Variants in NUMB observed in about 807,000 individuals in gnomAD.
The protein encoded by NUMB is NUMB endocytic adaptor protein.
A neutral mutation model predicts 59.7 loss-of-function variants in NUMB; 29 were observed. The ratio of observed to expected loss-of-function variants is 0.49; its 90% confidence interval spans 0.36 to 0.66. The LOEUF (loss-of-function observed/expected upper bound fraction) is 0.66, where lower values mean the gene tolerates loss of function less well. Ranked by LOEUF, NUMB falls within the 30% of genes least tolerant of loss-of-function variation. The pLI is 0.00. For missense variants in NUMB, 723 were observed against 822.0 expected (o/e 0.88, Z 1.47); for synonymous variants, 288 against 288.2 (o/e 1.00, Z 0.01).
intron 1 of NUMB, among the ~76,000 whole-genome samples, chr14:73,418,593 G>C (rs2140146636): frequency 6.6e-6 from 1 of 151,972 alleles, no homozygotes; most frequent in Middle Eastern, 3.4e-3. Flanking sequence ...CCAACATGGA[G>C]AAACCCCGTC....
At chr14:73,332,691 A>C (rs1892050512) in intron 4 of NUMB, among the ~76,000 whole-genome samples, 1 of 38,750 alleles carries the variant, frequency 2.6e-5, no homozygotes, top group South Asian at 7.1e-4. Context: ...AGAGAAAAAT[A>C]TTGTTTATTT....
intron 2 of NUMB, among the ~76,000 whole-genome samples, chr14:73,388,070 T>G (rs1272068491): frequency 6.6e-6 from 1 of 151,940 alleles, no homozygotes; most frequent in Admixed American, 6.6e-5. Flanking sequence ...TCATACCACT[T>G]CCAGCTTGGG....
intron 2 of NUMB, among the ~76,000 whole-genome samples, chr14:73,390,638 C>CTT (rs55831976): frequency 0.013 from 516 of 39,414 alleles, 84 homozygotes; most frequent in African/African-American, 0.024. Context: ...AAAACAAAGT[C>CTT]TTTTTTTTTT....
chr14:73,439,326 C>T (rs1349989296), intron 1 of NUMB, among the ~76,000 whole-genome samples: 1 of 152,110 alleles, frequency 6.6e-6, no homozygotes, highest in Admixed American at 6.6e-5. Context: ...TTTCCCTTTG[C>T]TCTTAAGATC....
intron 1 of NUMB, among the ~76,000 whole-genome samples, chr14:73,448,946 A>G (rs959231304): frequency 7.2e-5 from 11 of 152,006 alleles, no homozygotes; most frequent in African/African-American, 2.7e-4. Flanking sequence ...CTCTGTATCC[A>G]TGGGTCCCAC....
At chr14:73,434,396 G>C (rs897946131) in intron 1 of NUMB, among the ~76,000 whole-genome samples, 1 of 152,160 alleles carries the variant, frequency 6.6e-6, no homozygotes, top group Non-Finnish European at 1.5e-5. Flanking sequence ...AAAGCACTTA[G>C]AACGCTTCTT....
At chr14:73,420,739 G>A (rs545160529) in intron 1 of NUMB, among the ~76,000 whole-genome samples, 1 of 152,120 alleles carries the variant, frequency 6.6e-6, no homozygotes, top group Admixed American at 6.6e-5. Flanking sequence ...AGAATTGCTT[G>A]AATCTGGGAG....
intron 4 of NUMB, among the ~76,000 whole-genome samples, chr14:73,336,268 T>C (rs926500959): frequency 2.6e-5 from 4 of 152,238 alleles, no homozygotes; most frequent in African/African-American, 9.6e-5. Flanking sequence ...TTATTACATA[T>C]ATTAACTTAT....
chr14:73,382,452 A>C (rs183123876), intron 2 of NUMB, among the ~76,000 whole-genome samples: 1 of 151,988 alleles, frequency 6.6e-6, no homozygotes, highest in Non-Finnish European at 1.5e-5. Flanking sequence ...TATAGCAAAA[A>C]AAAAAAAAAG....
intron 8 of NUMB, among the ~76,000 whole-genome samples, chr14:73,289,652 A>G (rs1018448703): frequency 2.0e-5 from 3 of 152,222 alleles, no homozygotes; most frequent in African/African-American, 7.2e-5. Flanking sequence ...ACCTTTGACT[A>G]CTTTTTAAAA....
chr14:73,409,253 G>A (rs1896806136), intron 2 of NUMB: 1 of 152,184 alleles, frequency 6.6e-6, no homozygotes, highest in South Asian at 2.1e-4. Flanking sequence ...ACAGAGCAAA[G>A]TAACACTATG....
intron 2 of NUMB, among the ~76,000 whole-genome samples, chr14:73,384,564 T>C (rs914517165): frequency 4.6e-5 from 7 of 152,050 alleles, no homozygotes; most frequent in African/African-American, 1.7e-4. Context: ...ATGCATAAAA[T>C]TAAAAAACTA....
intron 2 of NUMB, among the ~76,000 whole-genome samples, chr14:73,369,461 A>C (rs1454702067): frequency 6.6e-6 from 1 of 152,250 alleles, no homozygotes; most frequent in Non-Finnish European, 1.5e-5. Flanking sequence ...AAGACTTAAA[A>C]TAAGACTATT....
chr14:73,382,370 C>T (rs1249591381), intron 2 of NUMB, among the ~76,000 whole-genome samples: 2 of 151,982 alleles, frequency 1.3e-5, no homozygotes, highest in Non-Finnish European at 2.9e-5. Context: ...TGGTCTTGAA[C>T]TCCTGACCTC....
chr14:73,456,140 A>T (rs994737531), intron 1 of NUMB, among the ~76,000 whole-genome samples: 1 of 149,472 alleles, frequency 6.7e-6, no homozygotes, highest in African/African-American at 2.5e-5. Context: ...ATGGAGTTTC[A>T]CTCTTGTTGC....
intron 1 of NUMB, among the ~76,000 whole-genome samples, chr14:73,423,966 CAAAAAAA>C (rs34582645): frequency 2.7e-5 from 2 of 74,294 alleles, no homozygotes; most frequent in Non-Finnish European, 5.4e-5. Context: ...ACCCTGTCTC[CAAAAAAA>C]AAAAAAAAAA....
At chr14:73,416,572 T>C (rs908781280) in intron 1 of NUMB, among the ~76,000 whole-genome samples, 23 of 152,208 alleles carry the variant, frequency 1.5e-4, no homozygotes, top group African/African-American at 5.5e-4. Context: ...CTGAGGGCAG[T>C]GACTCAGACT....
chr14:73,278,061 A>AAC (rs1555367169), intron 12 of NUMB, among the ~76,000 whole-genome samples: 11 of 150,822 alleles, frequency 7.3e-5, no homozygotes, highest in Non-Finnish European at 1.5e-4. Flanking sequence ...AAAAAAAAAA[A>AAC]AAAAAAACAC....
chr14:73,367,136 G>C (rs996536547), intron 2 of NUMB, among the ~76,000 whole-genome samples, 155 bp from the exon 3 acceptor site: 3 of 151,726 alleles, frequency 2.0e-5, no homozygotes, highest in Non-Finnish European at 4.4e-5. Flanking sequence ...ATATACTGAA[G>C]ATGATCACTC....
Sources: allele counts gnomAD v4.1 joint callset (sites outside exome capture counted in the v4.1 genomes callset), GRCh38; gene constraint gnomAD v4.1.1; transcripts MANE v1.5; gene names NCBI Gene and HGNC (gene_info 2026-07-23, HGNC 2026-07-21).